Variants in SOX5 observed in about 807,000 individuals in gnomAD.
SOX5 encodes SRY-box transcription factor 5.
In SOX5, 9 loss-of-function variants were observed where a neutral mutation model predicts 92.0. That is an observed-to-expected ratio of 0.10 (90% CI 0.06 to 0.17). SOX5 has a LOEUF of 0.17. Ranked by LOEUF, SOX5 falls within the 10% of genes least tolerant of loss-of-function variation. The pLI is 1.00. For synonymous variants in SOX5, 344 were observed against 336.3 expected (o/e 1.02, Z -0.25); for missense variants, 642 against 944.5 (o/e 0.68, Z 4.20).
intron 4 of SOX5, among the ~76,000 whole-genome samples, chr12:24,188,392 T>C (rs1213898556): frequency 2.0e-5 from 3 of 152,188 alleles, no homozygotes; most frequent in African/African-American, 7.2e-5. Context: ...CTATTATGTA[T>C]AGACTGTACA....
At chr12:24,452,314 T>C (rs1355002) in intron 1 of SOX5, among the ~76,000 whole-genome samples, 30,528 of 152,146 alleles carry the variant, frequency 0.2, 3,176 homozygotes, top group Middle Eastern at 0.26. Context: ...ATCGAACTTA[T>C]AAGGTAAAAT....
chr12:24,172,008 C>T (rs1203462146), intron 4 of SOX5, among the ~76,000 whole-genome samples: 2 of 151,766 alleles, frequency 1.3e-5, no homozygotes, highest in African/African-American at 4.8e-5. Flanking sequence ...TGCATAGATG[C>T]TAGAGAATAT....
At chr12:23,836,436 T>C (rs1316972471) in intron 3 of SOX5, among the ~76,000 whole-genome samples, 1 of 152,002 alleles carries the variant, frequency 6.6e-6, no homozygotes, top group Non-Finnish European at 1.5e-5. Context: ...AATATATTAT[T>C]CTCCTATTTA....
At chr12:23,946,480 T>C (rs1212357714) in intron 1 of SOX5, among the ~76,000 whole-genome samples, 1 of 152,028 alleles carries the variant, frequency 6.6e-6, no homozygotes, top group Non-Finnish European at 1.5e-5. Context: ...CATTTTTACT[T>C]ATCATGAACA....
chr12:24,509,480 G>A (rs974579005), intron 1 of SOX5, among the ~76,000 whole-genome samples: 2 of 152,122 alleles, frequency 1.3e-5, no homozygotes. Flanking sequence ...GAAGAGATAT[G>A]TCAGCCTCTG....
intron 3 of SOX5, among the ~76,000 whole-genome samples, chr12:24,228,103 G>A (rs932351567): frequency 3.3e-5 from 5 of 152,302 alleles, no homozygotes; most frequent in East Asian, 1.9e-4. Context: ...TGGTGTGCCC[G>A]GGTCTCAGAG....
At chr12:23,961,700 C>T (rs1167754089) in intron 4 of SOX5, among the ~76,000 whole-genome samples, 1 of 152,114 alleles carries the variant, frequency 6.6e-6, no homozygotes, top group Non-Finnish European at 1.5e-5. Flanking sequence ...AAAATAAATG[C>T]TTCTTTTTCA....
chr12:23,650,175 A>G lies in SOX5; in HGVS notation c.932-9278T>C, dbSNP rs78664313. On this transcript the variant is annotated intron_variant, in intron 7 of 14. Transcript: ENST00000451604. Reference sequence around the variant, plus strand: ...CCATGTAAACTAATCCAAATATACAATAAGCAAAGTAGAAGAGTGTAAAAG... The same window carrying G: ...CCATGTAAACTAATCCAAATATACAGTAAGCAAAGTAGAAGAGTGTAAAAG... Among the ~76,000 whole-genome samples, 771 of 152,254 alleles carry G rather than the reference A, an allele frequency of 5.1e-3. 7 individuals are homozygous for G. The highest frequency in any genetic ancestry group is 0.017 in the African/African-American group (727 of 41,566).
At chr12:24,317,277 A>C (rs113809727) in intron 2 of SOX5, among the ~76,000 whole-genome samples, 2 of 152,234 alleles carry the variant, frequency 1.3e-5, no homozygotes, top group Admixed American at 6.5e-5. Context: ...GTTATCTGAA[A>C]TATTACTTAC....
intron 4 of SOX5, among the ~76,000 whole-genome samples, chr12:23,979,698 G>GGTTTTT (rs1949311242): frequency 1.5e-5 from 1 of 64,690 alleles, no homozygotes; most frequent in Admixed American, 3.1e-4. Context: ...ATATATATAT[G>GGTTTTT]TTTTTTTTGT....
chr12:24,508,371 AAAG>A (rs1374597367), intron 1 of SOX5, among the ~76,000 whole-genome samples: 1 of 152,200 alleles, frequency 6.6e-6, no homozygotes, highest in Non-Finnish European at 1.5e-5. Flanking sequence ...GAAGGGAAAG[AAAG>A]AATAAGAATC....
intron 2 of SOX5, among the ~76,000 whole-genome samples, chr12:24,281,188 G>T (rs1260006181): frequency 1.4e-5 from 2 of 140,080 alleles, no homozygotes; most frequent in Non-Finnish European, 3.0e-5. Flanking sequence ...GAAATTTCCA[G>T]TTCAGTTTTA....
rs77954247 is a variant in SOX5, at chr12:24,419,011, C to T, written c.-250-50372G>A. Among the ~76,000 whole-genome samples, 679 of 152,254 alleles carry T rather than the reference C, an allele frequency of 4.5e-3. 10 individuals are homozygous for T. In the East Asian group the frequency reaches 0.05, roughly 11 times the overall value. Reference sequence around the variant, plus strand: ...GAAATTTCTGTCAAAAGAGGATCCTCCAAAATTATAGCACAACAAATGTTG... The same window carrying T: ...GAAATTTCTGTCAAAAGAGGATCCTTCAAAATTATAGCACAACAAATGTTG... On this transcript the variant is annotated intron_variant, in intron 1 of 4. Coordinates refer to the SOX5 transcript ENST00000446891.
upstream of SOX5, among the ~76,000 whole-genome samples, chr12:23,951,347 A>T (rs1455097679): frequency 1.6e-5 from 2 of 122,456 alleles, no homozygotes; most frequent in Non-Finnish European, 3.3e-5. Context: ...CACTCCTTCC[A>T]ACTTCCCCTC....
At chr12:24,161,108 G>T (rs1324569614) in intron 4 of SOX5, among the ~76,000 whole-genome samples, 2 of 152,054 alleles carry the variant, frequency 1.3e-5, no homozygotes. Flanking sequence ...CTACGCTGAG[G>T]TATTGTTATC....
intron 2 of SOX5, among the ~76,000 whole-genome samples, chr12:23,874,609 C>T (rs1413934331): frequency 6.6e-6 from 1 of 151,934 alleles, no homozygotes; most frequent in East Asian, 1.9e-4. Flanking sequence ...AGAATTTAGC[C>T]CAAAGCTAGA....
chr12:24,203,550 T>C (rs1254170350), intron 4 of SOX5, among the ~76,000 whole-genome samples: 1 of 152,232 alleles, frequency 6.6e-6, no homozygotes, highest in Non-Finnish European at 1.5e-5. Context: ...ATATTTTTCT[T>C]GATATCTAAG....
intron 1 of SOX5, among the ~76,000 whole-genome samples, chr12:24,370,354 G>GT (rs1441493441): frequency 6.6e-6 from 1 of 151,614 alleles, no homozygotes; most frequent in Non-Finnish European, 1.5e-5. Context: ...GCAGGCCCCT[G>GT]TAGTCCCAGC....
chr12:24,032,723 G>A (rs1955634700), intron 4 of SOX5, among the ~76,000 whole-genome samples: 1 of 151,850 alleles, frequency 6.6e-6, no homozygotes, highest in Non-Finnish European at 1.5e-5. Flanking sequence ...TGAAAGAGAA[G>A]TTATAGTTAC....
Sources: allele counts gnomAD v4.1 joint callset (sites outside exome capture counted in the v4.1 genomes callset), GRCh38; gene constraint gnomAD v4.1.1; transcripts MANE v1.5; gene names NCBI Gene and HGNC (gene_info 2026-07-23, HGNC 2026-07-21).